ARNT2: variants seen among roughly 807,000 people sequenced by gnomAD.
The protein encoded by ARNT2 is ARNT protein 2.
In ARNT2, 36 loss-of-function variants were observed where a neutral mutation model predicts 91.7. The observed-to-expected ratio is 0.39, with a 90% confidence interval of 0.30 to 0.52. The LOEUF (loss-of-function observed/expected upper bound fraction) is 0.52. ARNT2 is among the 20% of genes least tolerant of loss of function. The probability of loss-of-function intolerance (pLI) is 0.72; values close to 1 mark genes in which losing one functional copy is unlikely to be tolerated. For synonymous variants in ARNT2, 365 were observed against 347.1 expected (o/e 1.05, Z -0.57); for missense variants, 775 against 939.3 (o/e 0.83, Z 2.29).
At chr15:80,495,171 T>C (rs1897109372) in intron 5 of ARNT2, among the ~76,000 whole-genome samples, 1 of 152,212 alleles carries the variant, frequency 6.6e-6, no homozygotes, top group African/African-American at 2.4e-5. Flanking sequence ...CCATCTTCCT[T>C]GCTCAGGAAC....
intron 1 of ARNT2, among the ~76,000 whole-genome samples, chr15:80,420,052 G>T (rs902784097): frequency 1.3e-5 from 2 of 152,072 alleles, no homozygotes; most frequent in South Asian, 4.1e-4. Context: ...AGCCATCCAC[G>T]TATGTCTTTG....
At chr15:80,411,275 C>T (rs558346948) in intron 1 of ARNT2, among the ~76,000 whole-genome samples, 48 of 152,294 alleles carry the variant, frequency 3.2e-4, no homozygotes, top group African/African-American at 1.0e-3. Flanking sequence ...ACTGGAAGCC[C>T]TGTGAGGGCA....
intron 1 of ARNT2, among the ~76,000 whole-genome samples, chr15:80,417,656 C>T (rs906900244): frequency 6.6e-6 from 1 of 151,794 alleles, no homozygotes; most frequent in Non-Finnish European, 1.5e-5. Context: ...TTCTTTTCCT[C>T]CTTCTCCCCA....
At position 80,438,617 on chromosome 15, in the gene ARNT2, T is replaced by G. The variant is rs564363616; in HGVS notation, c.32-12263T>G. Among the ~76,000 whole-genome samples the G allele has an allele frequency of 2.6e-5, 4 of 152,322 alleles. No individual in the cohort carries two copies. The South Asian group carries it at 8.3e-4, about 32-fold the overall frequency. Reference sequence around the variant, plus strand: ...TCTTTTATTCTGTTTTATAGTAGTATTTATGGTTCTGTACATATCTTGGCT... The same window carrying G: ...TCTTTTATTCTGTTTTATAGTAGTAGTTATGGTTCTGTACATATCTTGGCT... On this transcript the variant is annotated intron_variant, in intron 1 of 18. Coordinates refer to ENST00000303329, the MANE Select transcript of ARNT2 (RefSeq NM_014862.4).
chr15:80,500,476 T>G (rs1897176178), intron 5 of ARNT2, among the ~76,000 whole-genome samples: 3 of 152,256 alleles, frequency 2.0e-5, no homozygotes, highest in African/African-American at 7.2e-5. Flanking sequence ...GAAATAATTC[T>G]AATTTATATT....
chr15:80,459,405 C>T (rs371542734), intron 3 of ARNT2, among the ~76,000 whole-genome samples: 1 of 152,158 alleles, frequency 6.6e-6, no homozygotes, highest in Non-Finnish European at 1.5e-5. Flanking sequence ...GAAACAAGGG[C>T]ACATATCTCC....
chr15:80,476,947 G>A (rs928921617), intron 5 of ARNT2, among the ~76,000 whole-genome samples: 5 of 152,152 alleles, frequency 3.3e-5, no homozygotes, highest in Non-Finnish European at 2.9e-5. Flanking sequence ...GGGTGGGTTC[G>A]CCTGAATGGT....
chr15:80,575,639 G>A (rs923001843), intron 14 of ARNT2, among the ~76,000 whole-genome samples: 6 of 152,208 alleles, frequency 3.9e-5, no homozygotes, highest in African/African-American at 1.2e-4. Context: ...TGGGTGAGAC[G>A]ACTCTGCTCA....
At chr15:80,485,593 G>T (rs1896959413) in intron 5 of ARNT2, among the ~76,000 whole-genome samples, 1 of 152,228 alleles carries the variant, frequency 6.6e-6, no homozygotes. Flanking sequence ...ACATGTCTGG[G>T]CAGGTTGGAG....
At chr15:80,456,988 T>C (rs1896490608) in intron 2 of ARNT2, among the ~76,000 whole-genome samples, 1 of 152,196 alleles carries the variant, frequency 6.6e-6, no homozygotes, top group Admixed American at 6.6e-5. Flanking sequence ...AGACATTCTC[T>C]CCAAGGAGCT....
intron 5 of ARNT2, among the ~76,000 whole-genome samples, chr15:80,484,754 G>A (rs1246230222): frequency 1.3e-5 from 2 of 152,204 alleles, no homozygotes; most frequent in African/African-American, 4.8e-5. Context: ...CTGGAAGGCT[G>A]GCCTCCCTGC....
rs1330559203 is a variant in ARNT2, at chr15:80,528,137, A to G, written c.877+13732A>G. Reference sequence around the variant, plus strand: ...CGTGCACATGGGGAGGGGTGTGGAGAGTTTATGAGAGCTGGGAGATGTGTG... The same window carrying G: ...CGTGCACATGGGGAGGGGTGTGGAGGGTTTATGAGAGCTGGGAGATGTGTG... On this transcript the variant is annotated intron_variant, in intron 8 of 18. Transcript: ENST00000303329. 3.9e-5 allele frequency among the ~76,000 whole-genome samples: 6 copies of G among 152,100 alleles called. No homozygotes were observed. The East Asian group carries it at 1.2e-3, about 29-fold the overall frequency.
chr15:80,554,986 G>A (rs1258134793), intron 10 of ARNT2, 79 bp from the exon 11 acceptor site: 1 of 1,432,736 alleles, frequency 7.0e-7, no homozygotes, highest in Non-Finnish European at 9.8e-7. Flanking sequence ...AGATGGAAAT[G>A]AACACTGTTG....
intron 11 of ARNT2, chr15:80,555,539 C>T (rs557253934): frequency 2.2e-4 from 38 of 170,244 alleles, no homozygotes; most frequent in African/African-American, 8.7e-4. Context: ...GAATCCTAAG[C>T]AGTTCCTAGT....
intron 8 of ARNT2, among the ~76,000 whole-genome samples, chr15:80,525,618 A>T (rs1229467714): frequency 6.6e-6 from 1 of 152,130 alleles, no homozygotes. Context: ...ACTTTGAGGG[A>T]TGGGTATGTG....
At chr15:80,580,602 T>C in intron 16 of ARNT2, 53 bp downstream of exon 16, 1 of 1,610,336 alleles carries the variant, frequency 6.2e-7, no homozygotes, top group South Asian at 1.1e-5. Flanking sequence ...GGCAGAGCAC[T>C]CTGGGAAGTG....
intron 8 of ARNT2, among the ~76,000 whole-genome samples, chr15:80,529,465 G>A (rs74027825): frequency 0.012 from 1,797 of 151,882 alleles, 38 homozygotes; most frequent in African/African-American, 0.042. Flanking sequence ...AGAAGTCTGA[G>A]ACCAGCTTTT....
chr15:80,415,168 G>A (rs1381581066), intron 1 of ARNT2, among the ~76,000 whole-genome samples: 2 of 152,182 alleles, frequency 1.3e-5, no homozygotes, highest in African/African-American at 4.8e-5. Context: ...TGCTTGCTGG[G>A]TCTGTGGTGT....
At chr15:80,577,035 G>A (rs370647083) in intron 15 of ARNT2, 70 bp downstream of exon 15, 2 of 1,472,854 alleles carry the variant, frequency 1.4e-6, no homozygotes, top group Non-Finnish European at 1.9e-6. Context: ...GGGTCTCAGA[G>A]CACAGCTCTG....
Sources: gnomAD v4.1 joint callset for allele counts (sites outside exome capture counted in the v4.1 genomes callset) on GRCh38, gnomAD v4.1.1 for gene constraint, MANE v1.5 for transcripts, NCBI Gene and HGNC (gene_info 2026-07-23, HGNC 2026-07-21) for gene names.